Variants in ORC4 observed in about 807,000 individuals in gnomAD.
ORC4 encodes origin recognition complex subunit 4, also known as origin recognition complex, subunit 4 homolog.
ORC4 carries 55 observed loss-of-function variants against 63.9 expected under a neutral mutation model. The observed-to-expected ratio is 0.86, with a 90% CI of 0.69 to 1.08. The LOEUF is 1.08. Ranked by LOEUF, ORC4 falls within the 50% of genes least tolerant of loss-of-function variation. ORC4 has a pLI of 0.00. For synonymous variants in ORC4, 150 were observed against 168.5 expected, an observed-to-expected ratio of 0.89 and a Z score of 0.85; for missense variants, 511 against 504.4, an observed-to-expected ratio of 1.01 and a Z score of -0.13.
intron 1 of ORC4, among the ~76,000 whole-genome samples, chr2:147,992,673 T>C (rs960709662): frequency 2.0e-5 from 3 of 152,202 alleles, no homozygotes; most frequent in African/African-American, 7.2e-5. Context: ...GTTTACAGAC[T>C]TGAGTTTACT....
At chr2:147,987,599 A>C (rs1042045121) in intron 1 of ORC4, among the ~76,000 whole-genome samples, 1 of 151,528 alleles carries the variant, frequency 6.6e-6, no homozygotes, top group East Asian at 1.9e-4. Context: ...CTGTGTACCC[A>C]AAAAAAAGCA....
At chr2:147,937,819 G>A (rs1688134523) in intron 13 of ORC4, among the ~76,000 whole-genome samples, 1 of 151,950 alleles carries the variant, frequency 6.6e-6, no homozygotes, top group African/African-American at 2.4e-5. Flanking sequence ...AATTTTCATT[G>A]TTTTCTCCTT....
intron 9 of ORC4, among the ~76,000 whole-genome samples, chr2:147,944,944 A>T (rs1315085047): frequency 6.6e-6 from 1 of 152,030 alleles, no homozygotes; most frequent in African/African-American, 2.4e-5. Flanking sequence ...TATCACAAAC[A>T]CGGTAGAATA....
In ORC4 at chr2:147,932,879, G is replaced by A. The variant is rs1401895258; in HGVS notation, c.*2631C>T. The A allele has an allele frequency of 6.6e-6, 1 of 152,108 alleles. No individual in the cohort carries two copies. Among genetic ancestry groups the A allele is most frequent in the African/African-American group, 2.4e-5 (1 of 41,440 alleles). 9.4% of individuals were successfully genotyped at this position (152,108 alleles called of 1,614,324 possible). A position where few individuals can be genotyped will look rare whatever the true frequency, so the allele number is the denominator to read the frequency against. On this transcript the variant is annotated 3_prime_UTR_variant, in exon 14 of 14. Coordinates refer to ENST00000392857, the MANE Select transcript of ORC4 (RefSeq NM_181741.4). ...GAAATATGCATGGAAACTACAGAAA[G>A]ACTGAAGTGTTTCTTACGGTGTTTT...
chr2:148,005,807 C>T (rs1268128028), intron 1 of ORC4, among the ~76,000 whole-genome samples: 4 of 152,026 alleles, frequency 2.6e-5, no homozygotes, highest in Non-Finnish European at 5.9e-5. Flanking sequence ...GAAACCCTGT[C>T]TTTACAAAAT....
intron 4 of ORC4, among the ~76,000 whole-genome samples, chr2:147,966,940 A>G (rs1421851295): frequency 2.0e-5 from 3 of 152,192 alleles, no homozygotes; most frequent in African/African-American, 7.2e-5. Flanking sequence ...ATATAGATGC[A>G]AAAGTCTTCA....
At chr2:147,942,304 C>T (rs890803462) in intron 10 of ORC4, among the ~76,000 whole-genome samples, 8 of 151,970 alleles carry the variant, frequency 5.3e-5, no homozygotes, top group Admixed American at 5.3e-4. Flanking sequence ...TAGACTAAAA[C>T]CAAATACTCT....
chr2:148,012,428 T>C (rs921279368), intron 1 of ORC4, among the ~76,000 whole-genome samples: 4 of 152,140 alleles, frequency 2.6e-5, no homozygotes, highest in Admixed American at 2.0e-4. Context: ...CCCCAACTCT[T>C]GCCATATACA....
At chr2:147,966,773 C>G (rs1429584662) in intron 4 of ORC4, among the ~76,000 whole-genome samples, 1 of 151,946 alleles carries the variant, frequency 6.6e-6, no homozygotes, top group East Asian at 1.9e-4. Context: ...TCTACTAAAC[C>G]CTTAAGGAAT....
At chr2:147,988,105 C>A (rs1192970633) in intron 1 of ORC4, among the ~76,000 whole-genome samples, 1 of 151,056 alleles carries the variant, frequency 6.6e-6, no homozygotes, top group African/African-American at 2.4e-5. Context: ...AAATATCTAT[C>A]CAAAAAATAA....
rs776574219 is a variant in ORC4 at position 147,952,476 on chromosome 2, T to C, written c.485A>G (p.Asp162Gly). The C allele has an allele frequency of 4.3e-6, 7 of 1,611,460 alleles. No homozygotes were observed. Among genetic ancestry groups the C allele is most frequent in the Middle Eastern group, 1.7e-4 (1 of 6,050 alleles). ...CPVIFILDEF[D>G]LFAHHKNQTL... is the part of the protein sequence containing the mutation. Reference sequence around the variant, plus strand: ...TTGGTTTTTATGATGAGCAAAAAGATCAAATTCATCTAATATGAAGATCAC... The same window carrying C: ...TTGGTTTTTATGATGAGCAAAAAGACCAAATTCATCTAATATGAAGATCAC... The change falls in exon 8 of 14, where the codon GAT becomes GGT. Residue 162 changes from aspartate (D) to glycine (G), a missense_variant. Physicochemically the swap from Asp to Gly is moderately conservative, Grantham distance 94. Coordinates refer to ENST00000392857, the MANE Select transcript of ORC4 (RefSeq NM_181741.4).
intron 1 of ORC4, among the ~76,000 whole-genome samples, chr2:148,010,848 CTTT>C (rs201359357): frequency 4.1e-5 from 4 of 98,532 alleles, no homozygotes; most frequent in Non-Finnish European, 4.0e-5. Context: ...CAGATTTATT[CTTT>C]TTTTTTTTTT....
intron 9 of ORC4, among the ~76,000 whole-genome samples, chr2:147,943,941 A>G (rs1688512276): frequency 6.6e-6 from 1 of 152,168 alleles, no homozygotes; most frequent in Admixed American, 6.6e-5. Flanking sequence ...AAGGAAGAAC[A>G]TTCCAGTTAC....
rs1688158399 is a variant in ORC4 at position 147,938,142 on chromosome 2, T to G, written c.1122+4A>C. 6.3e-7 allele frequency: 1 copy of G among 1,597,738 alleles called. No homozygotes were observed. The highest frequency in any genetic ancestry group is 8.6e-7 in the Non-Finnish European group (1 of 1,165,668). ...TAGAAAAATGACAGCAAACTAAATCTTACCTTCATGACAACAGGTTTTTCA... is the reference window on the plus strand; with the variant it reads ...TAGAAAAATGACAGCAAACTAAATCGTACCTTCATGACAACAGGTTTTTCA... On this transcript the variant is annotated splice_donor_region_variant and intron_variant, in intron 13 of 13. Coordinates refer to ENST00000392857, the MANE Select transcript of ORC4 (RefSeq NM_181741.4).
chr2:147,948,107 G>A lies in ORC4; in HGVS notation c.706C>T (p.Leu236=). The change falls in exon 9 of 14, where the codon CTA becomes TTA. Residue 236 remains leucine (L), a synonymous_variant. Coordinates refer to ENST00000392857, the MANE Select transcript of ORC4 (RefSeq NM_181741.4). ...YVKIFKEQLS[L]PAEFPDKVFA... is the part of the protein sequence containing the mutation. Reference sequence around the variant, plus strand: ...ACCTTGTCTGGAAACTCTGCAGGTAGAGATAACTGTTCTTTAAATATTTTA... The same window carrying A: ...ACCTTGTCTGGAAACTCTGCAGGTAAAGATAACTGTTCTTTAAATATTTTA... The A allele has an allele frequency of 6.2e-7, 1 of 1,611,490 alleles. No individual in the cohort carries two copies. Among genetic ancestry groups the A allele is most frequent in the South Asian group, 1.1e-5 (1 of 90,982 alleles).
chr2:147,980,084 T>G (rs1232365755), intron 1 of ORC4, among the ~76,000 whole-genome samples: 1 of 152,012 alleles, frequency 6.6e-6, no homozygotes, highest in Non-Finnish European at 1.5e-5. Context: ...AAAGCTTCAA[T>G]CAACAGAGTG....
chr2:147,956,030 T>C (rs960218109), intron 6 of ORC4, among the ~76,000 whole-genome samples: 4 of 152,056 alleles, frequency 2.6e-5, no homozygotes, highest in African/African-American at 7.2e-5. Context: ...AAACTTAGTG[T>C]AGTAGATGCA....
chr2:147,943,532 A>G lies in ORC4; in HGVS notation c.763-10T>C, dbSNP rs1331278598. ...TATCTTCTGAGAGATACTAAAAGGA[A>G]AAAAAAAAAAAAAGCCAAAATTGAG... On this transcript the variant is annotated splice_polypyrimidine_tract_variant and intron_variant, in intron 9 of 13. Transcript: ENST00000392857. 2 of 520,036 alleles carry G rather than the reference A, an allele frequency of 3.8e-6. No individual in the cohort carries two copies. The highest frequency in any genetic ancestry group is 3.4e-5 in the South Asian group (1 of 29,040). 32.2% of individuals were successfully genotyped at this position (520,036 alleles called of 1,614,324 possible). A position where few individuals can be genotyped will look rare whatever the true frequency, so the allele number is the denominator to read the frequency against.
chr2:147,953,517 G>T (rs1002513558), intron 7 of ORC4, among the ~76,000 whole-genome samples: 26 of 152,054 alleles, frequency 1.7e-4, no homozygotes, highest in African/African-American at 5.6e-4. Context: ...ACTAATTAAT[G>T]AACAAAACTA....
Sources: gnomAD v4.1 joint callset for allele counts (sites outside exome capture counted in the v4.1 genomes callset) on GRCh38, gnomAD v4.1.1 for gene constraint, MANE v1.5 for transcripts, NCBI Gene and HGNC (gene_info 2026-07-23, HGNC 2026-07-21) for gene names.